CTDSPL2: variants seen among roughly 807,000 people sequenced by gnomAD.
The protein encoded by CTDSPL2 is CTD small phosphatase like 2, also known as CTD small phosphatase-like protein 2.
In CTDSPL2, 5 loss-of-function variants were observed where a neutral mutation model predicts 60.0. The ratio of observed to expected loss-of-function variants is 0.08; its 90% CI spans 0.04 to 0.18. CTDSPL2 has a LOEUF of 0.18. Ranked by LOEUF, CTDSPL2 falls within the 10% of genes least tolerant of loss-of-function variation. The pLI, the probability that CTDSPL2 is intolerant of heterozygous loss-of-function variation, is 1.00. For missense variants in CTDSPL2, 370 were observed against 548.8 expected, an observed-to-expected ratio of 0.67 and a Z score of 3.26; for synonymous variants, 186 against 189.3, an observed-to-expected ratio of 0.98 and a Z score of 0.14.
At chr15:44,474,591 C>T (rs1180353341) in intron 2 of CTDSPL2, among the ~76,000 whole-genome samples, 1 of 152,190 alleles carries the variant, frequency 6.6e-6, no homozygotes, top group Non-Finnish European at 1.5e-5. Flanking sequence ...CTTGGTGGCT[C>T]ACGCCTGTAA....
intron 5 of CTDSPL2, among the ~76,000 whole-genome samples, chr15:44,495,440 G>A (rs973472240): frequency 1.3e-5 from 2 of 151,978 alleles, no homozygotes; most frequent in Non-Finnish European, 2.9e-5. Flanking sequence ...AATTAGCCAG[G>A]TGTGGTGGCA....
At chr15:44,432,740 C>G (rs761593633) in intron 1 of CTDSPL2, among the ~76,000 whole-genome samples, 1 of 151,748 alleles carries the variant, frequency 6.6e-6, no homozygotes, top group Non-Finnish European at 1.5e-5. Flanking sequence ...CTGTCTCAGT[C>G]CCCCGAATAG....
chr15:44,463,706 T>A (rs1448673555), intron 2 of CTDSPL2, among the ~76,000 whole-genome samples: 2 of 152,204 alleles, frequency 1.3e-5, no homozygotes, highest in African/African-American at 2.4e-5. Flanking sequence ...TTATTGTTGC[T>A]TTCTTATCTA....
intron 1 of CTDSPL2, among the ~76,000 whole-genome samples, chr15:44,456,490 A>G (rs2080443707): frequency 6.6e-6 from 1 of 152,130 alleles, no homozygotes. Flanking sequence ...GTGTCCAGGA[A>G]TTTATCCATT....
chr15:44,493,174 T>A (rs1165344291), intron 5 of CTDSPL2, among the ~76,000 whole-genome samples: 1 of 152,166 alleles, frequency 6.6e-6, no homozygotes, highest in African/African-American at 2.4e-5. Context: ...AACATCACTA[T>A]ACAGTATGGT....
intron 2 of CTDSPL2, among the ~76,000 whole-genome samples, chr15:44,482,097 C>T (rs2081038151): frequency 6.6e-6 from 1 of 152,148 alleles, no homozygotes; most frequent in African/African-American, 2.4e-5. Context: ...CATTCCAGCC[C>T]TCTTAGCTGC....
At chr15:44,494,840 G>A (rs541170327) in intron 5 of CTDSPL2, among the ~76,000 whole-genome samples, 9 of 150,554 alleles carry the variant, frequency 6.0e-5, no homozygotes, top group Non-Finnish European at 1.2e-4. Flanking sequence ...TGCTTGAACC[G>A]GTGAGGCGGA....
intron 5 of CTDSPL2, among the ~76,000 whole-genome samples, chr15:44,494,274 G>C (rs562912224): frequency 2.1e-3 from 315 of 152,178 alleles, no homozygotes; most frequent in African/African-American, 7.1e-3. Flanking sequence ...ATTACTTCTT[G>C]ATCATTTTTA....
rs1230823708 is a variant in CTDSPL2 at position 44,496,414 on chromosome 15, C to T, written c.726C>T (p.Ala242=). The change falls in exon 6 of 13, where the codon GCC becomes GCT. Residue 242 remains alanine, a synonymous_variant. Coordinates refer to ENST00000260327, the MANE Select transcript of CTDSPL2 (RefSeq NM_016396.3). Reference sequence around the variant, plus strand: ...CTCCAGATAGTGGTTATTCATCAGCCCACGCGGAGGCCACCTATGAAGAAG... The same window carrying T: ...CTCCAGATAGTGGTTATTCATCAGCTCACGCGGAGGCCACCTATGAAGAAG... ...PVTPDSGYSS[A]HAEATYEEDW... The T allele has an allele frequency of 3.7e-6, 6 of 1,613,784 alleles. No homozygotes were observed. Among genetic ancestry groups the T allele is most frequent in the Non-Finnish European group, 5.1e-6 (6 of 1,179,810 alleles).
At chr15:44,488,263 C>T (rs1201980944) in intron 4 of CTDSPL2, among the ~76,000 whole-genome samples, 1 of 151,956 alleles carries the variant, frequency 6.6e-6, no homozygotes, top group Non-Finnish European at 1.5e-5. Context: ...CTGAAGAGGC[C>T]ATAGGCAGGT....
chr15:44,481,303 A>T (rs1367264676), intron 2 of CTDSPL2, among the ~76,000 whole-genome samples: 1 of 152,170 alleles, frequency 6.6e-6, no homozygotes, highest in Non-Finnish European at 1.5e-5. Flanking sequence ...TTGTAACCTG[A>T]AGTATTTGAA....
chr15:44,428,116 GC>G (rs1008953107), intron 1 of CTDSPL2: 65 of 154,936 alleles, frequency 4.2e-4, no homozygotes, highest in African/African-American at 1.6e-3. Flanking sequence ...TAGAAGTTTA[GC>G]TTTTTTTAAC....
intron 1 of CTDSPL2, among the ~76,000 whole-genome samples, chr15:44,444,638 AC>A (rs1019477154): frequency 9.3e-5 from 14 of 150,792 alleles, no homozygotes; most frequent in Non-Finnish European, 1.3e-4. Context: ...GAGCCACCAC[AC>A]CCAGCCTATA....
chr15:44,515,788 G>C (rs567774562), intron 10 of CTDSPL2, among the ~76,000 whole-genome samples: 1 of 151,958 alleles, frequency 6.6e-6, no homozygotes, highest in Non-Finnish European at 1.5e-5. Context: ...CAGGAGAATC[G>C]CTTGAACCCG....
intron 1 of CTDSPL2, among the ~76,000 whole-genome samples, chr15:44,431,732 T>G (rs988465158): frequency 6.7e-6 from 1 of 149,644 alleles, no homozygotes; most frequent in African/African-American, 2.5e-5. Flanking sequence ...TTTTTTTTTT[T>G]TTTGAGACAG....
chr15:44,508,187 A>G (rs986608520), intron 8 of CTDSPL2, among the ~76,000 whole-genome samples: 10 of 151,926 alleles, frequency 6.6e-5, no homozygotes, highest in African/African-American at 1.9e-4. Context: ...GGTTCAAGCA[A>G]TTCTCCTGCC....
chr15:44,521,131 A>T, intron 11 of CTDSPL2, 180 bp from the exon 12 acceptor site: 1 of 350,810 alleles, frequency 2.9e-6, no homozygotes, highest in East Asian at 4.7e-5. Context: ...GCTTCAATTT[A>T]TTTCCTTATC....
chr15:44,445,701 G>A (rs1403585866), intron 1 of CTDSPL2, among the ~76,000 whole-genome samples: 2 of 150,950 alleles, frequency 1.3e-5, no homozygotes, highest in East Asian at 1.9e-4. Flanking sequence ...GCAGTGGCAC[G>A]ATCTTGGCTT....
chr15:44,466,423 G>A (rs986594330), intron 2 of CTDSPL2, among the ~76,000 whole-genome samples: 1 of 152,196 alleles, frequency 6.6e-6, no homozygotes, highest in East Asian at 1.9e-4. Flanking sequence ...GGAAACGACA[G>A]TTTAAGATTC....
Sources: allele counts gnomAD v4.1 joint callset (sites outside exome capture counted in the v4.1 genomes callset), GRCh38; gene constraint gnomAD v4.1.1; transcripts MANE v1.5; gene names NCBI Gene and HGNC (gene_info 2026-07-23, HGNC 2026-07-21).